Variants in TRAPPC9 observed in about 807,000 individuals in gnomAD.
TRAPPC9 encodes the protein IKK2 binding protein.
TRAPPC9 carries 83 observed loss-of-function variants against 124.0 expected under a neutral mutation model. That is an observed-to-expected ratio of 0.67 (90% CI 0.56 to 0.80). The LOEUF (loss-of-function observed/expected upper bound fraction) is 0.80, where lower values mean the gene tolerates loss of function less well. Ranked by LOEUF, TRAPPC9 falls within the 30% of genes least tolerant of loss-of-function variation. The pLI is 0.00. For synonymous variants in TRAPPC9, 638 were observed against 617.5 expected, an observed-to-expected ratio of 1.03 and a Z score of -0.49; for missense variants, 1,302 against 1,508.3, an observed-to-expected ratio of 0.86 and a Z score of 2.27.
chr8:139,787,251 A>G (rs1822324224), intron 21 of TRAPPC9, among the ~76,000 whole-genome samples: 1 of 151,566 alleles, frequency 6.6e-6, no homozygotes, highest in African/African-American at 2.4e-5. Flanking sequence ...AGGAGGAAAA[A>G]TCTCGTTCAG....
At chr8:140,117,346 AG>A in intron 17 of TRAPPC9, among the ~76,000 whole-genome samples, 1 of 152,324 alleles carries the variant, frequency 6.6e-6, no homozygotes, top group East Asian at 1.9e-4. Flanking sequence ...AACAACAATA[AG>A]GTAATTTATA....
intron 17 of TRAPPC9, among the ~76,000 whole-genome samples, chr8:140,111,660 A>C (rs2060778545): frequency 6.6e-6 from 1 of 152,262 alleles, no homozygotes; most frequent in Non-Finnish European, 1.5e-5. Flanking sequence ...TCATTAAAAG[A>C]GTCCCAATGT....
chr8:139,773,654 T>TC (rs1821142069), intron 21 of TRAPPC9, among the ~76,000 whole-genome samples: 1 of 152,096 alleles, frequency 6.6e-6, no homozygotes, highest in African/African-American at 2.4e-5. Flanking sequence ...CCCAGGCATC[T>TC]GCCACCTGCC....
intron 21 of TRAPPC9, among the ~76,000 whole-genome samples, chr8:139,812,250 A>G (rs1024574159): frequency 6.6e-6 from 1 of 152,238 alleles, no homozygotes; most frequent in Non-Finnish European, 1.5e-5. Flanking sequence ...AAGGAAGGGA[A>G]GTATAATCAT....
chr8:139,791,598 A>T (rs1394829328), intron 21 of TRAPPC9, among the ~76,000 whole-genome samples: 1 of 152,062 alleles, frequency 6.6e-6, no homozygotes, highest in African/African-American at 2.4e-5. Context: ...ACACACACTC[A>T]CACAGGCGCC....
At chr8:140,037,905 CA>C (rs1198495440) in intron 17 of TRAPPC9, among the ~76,000 whole-genome samples, 10 of 145,620 alleles carry the variant, frequency 6.9e-5, no homozygotes, top group African/African-American at 2.5e-4. Context: ...CACACACACA[CA>C]CACACCCCAG....
intron 17 of TRAPPC9, among the ~76,000 whole-genome samples, chr8:140,117,085 G>A (rs2060902267): frequency 6.6e-6 from 1 of 152,162 alleles, no homozygotes; most frequent in Non-Finnish European, 1.5e-5. Flanking sequence ...TGACCCTTGA[G>A]CCAGTGGGGT....
intron 18 of TRAPPC9, among the ~76,000 whole-genome samples, chr8:140,014,030 C>G (rs1292933676): frequency 6.6e-6 from 1 of 152,140 alleles, no homozygotes; most frequent in South Asian, 2.1e-4. Flanking sequence ...GTAAACATAG[C>G]AACTGGAAAA....
chr8:139,962,212 C>T (rs1835401211), intron 19 of TRAPPC9, among the ~76,000 whole-genome samples: 1 of 124,674 alleles, frequency 8.0e-6, no homozygotes. Flanking sequence ...GGATGCAGGA[C>T]AAGAACTCGG....
chr8:139,885,500 G>A (rs1829945487), intron 21 of TRAPPC9, among the ~76,000 whole-genome samples: 1 of 152,126 alleles, frequency 6.6e-6, no homozygotes, highest in African/African-American at 2.4e-5. Flanking sequence ...TCTCAGTTCT[G>A]GAAACAGTTG....
At chr8:139,762,408 T>A (rs1208524148) in intron 21 of TRAPPC9, among the ~76,000 whole-genome samples, 2 of 152,188 alleles carry the variant, frequency 1.3e-5, no homozygotes, top group African/African-American at 2.4e-5. Flanking sequence ...TTTGTCCTAG[T>A]GTGAACATCA....
At chr8:140,265,848 C>A (rs2064633588) in intron 15 of TRAPPC9, among the ~76,000 whole-genome samples, 1 of 152,066 alleles carries the variant, frequency 6.6e-6, no homozygotes, top group Admixed American at 6.5e-5. Flanking sequence ...TGCTGTGGTA[C>A]AACATTCATG....
At chr8:140,194,396 GATTT>G (rs1166831613) in intron 17 of TRAPPC9, among the ~76,000 whole-genome samples, 1 of 152,000 alleles carries the variant, frequency 6.6e-6, no homozygotes, top group African/African-American at 2.4e-5. Context: ...TTACTCTCTA[GATTT>G]ATTATACCTA....
At chr8:140,439,342 T>C (rs2070929260) in intron 2 of TRAPPC9, 145 bp from the exon 3 acceptor site, 1 of 911,888 alleles carries the variant, frequency 1.1e-6, no homozygotes, top group Admixed American at 2.6e-5. Context: ...GCAATAATCA[T>C]TGCCAGTTAT....
At chr8:140,428,128 G>A (rs2070494671) in intron 4 of TRAPPC9, among the ~76,000 whole-genome samples, 1 of 152,170 alleles carries the variant, frequency 6.6e-6, no homozygotes. Flanking sequence ...TTTGTTCTGT[G>A]AAGAACCTGG....
At position 140,404,014 on chromosome 8, in the gene TRAPPC9, A is replaced by T. The variant is rs2069381382; in HGVS notation, c.1008+1563T>A. Among the ~76,000 whole-genome samples, 4 of 152,008 alleles carry T rather than the reference A, an allele frequency of 2.6e-5. No homozygotes were observed. The South Asian group carries it at 8.3e-4, about 32-fold the overall frequency. The stretch of plus-strand genomic sequence containing the variant: ...GTCAACTTCTAGGAATTGTTCCCTT[A>T]AAAAAAATCAATCCAAAAAGATGTA... On this transcript the variant is annotated intron_variant, in intron 6 of 22. Coordinates refer to ENST00000438773, the MANE Select transcript of TRAPPC9 (RefSeq NM_001160372.4).
chr8:140,078,286 T>G (rs1332100469), intron 17 of TRAPPC9, among the ~76,000 whole-genome samples: 1 of 152,226 alleles, frequency 6.6e-6, no homozygotes, highest in Non-Finnish European at 1.5e-5. Context: ...TGTGGTTTTA[T>G]AGCAGTGCCA....
intron 7 of TRAPPC9, among the ~76,000 whole-genome samples, chr8:140,383,592 G>A (rs1264424777): frequency 6.6e-6 from 1 of 152,120 alleles, no homozygotes; most frequent in East Asian, 1.9e-4. Context: ...ATGAAATGAA[G>A]GGAGAAGAGA....
chr8:140,360,715 G>A (rs1355048763), intron 8 of TRAPPC9, among the ~76,000 whole-genome samples: 1 of 152,098 alleles, frequency 6.6e-6, no homozygotes, highest in Non-Finnish European at 1.5e-5. Flanking sequence ...GGAGAAATCT[G>A]GATGCACAGA....
Sources: allele counts gnomAD v4.1 joint callset (sites outside exome capture counted in the v4.1 genomes callset), GRCh38; gene constraint gnomAD v4.1.1; transcripts MANE v1.5; gene names NCBI Gene and HGNC (gene_info 2026-07-23, HGNC 2026-07-21).